The following NR3C2 variants were observed in gnomAD, a reference collection of about 807,000 sequenced individuals.
NR3C2 encodes the protein mineralocorticoid receptor.
NR3C2 carries 15 observed loss-of-function variants against 86.4 expected under a neutral mutation model. The observed-to-expected ratio is 0.17, with a 90% CI of 0.12 to 0.27. NR3C2 has a LOEUF of 0.27. Ranked by LOEUF, NR3C2 falls within the 10% of genes least tolerant of loss-of-function variation. The pLI, the probability that NR3C2 is intolerant of heterozygous loss-of-function variation, is 1.00. For missense variants in NR3C2, 960 were observed against 1,195.6 expected, an observed-to-expected ratio of 0.80 and a Z score of 2.91; for synonymous variants, 458 against 450.5, an observed-to-expected ratio of 1.02 and a Z score of -0.21.
intron 2 of NR3C2, among the ~76,000 whole-genome samples, chr4:148,380,521 G>A (rs1426994932): frequency 6.6e-6 from 1 of 152,194 alleles, no homozygotes; most frequent in Non-Finnish European, 1.5e-5. Context: ...GGAACTGCCA[G>A]ACTATTATCC....
At chr4:148,292,897 TAAAC>T in intron 2 of NR3C2, among the ~76,000 whole-genome samples, 1 of 152,212 alleles carries the variant, frequency 6.6e-6, no homozygotes, top group Admixed American at 6.5e-5. Flanking sequence ...TATACCCTGT[TAAAC>T]AAGCAAACTA....
At chr4:148,260,398 C>CA (rs918505773) in intron 2 of NR3C2, among the ~76,000 whole-genome samples, 9 of 152,218 alleles carry the variant, frequency 5.9e-5, no homozygotes, top group African/African-American at 1.7e-4. Context: ...GAAGGTTTAT[C>CA]AAAAAATCAC....
chr4:148,086,105 A>G (rs982875061), intron 8 of NR3C2, among the ~76,000 whole-genome samples: 6 of 152,144 alleles, frequency 3.9e-5, no homozygotes, highest in African/African-American at 1.4e-4. Context: ...AGAAAAAGAG[A>G]GACTCCTCCC....
chr4:148,135,274 TAGG>T (rs1182707737), intron 6 of NR3C2, among the ~76,000 whole-genome samples: 1 of 152,116 alleles, frequency 6.6e-6, no homozygotes, highest in Non-Finnish European at 1.5e-5. Context: ...TCACCTCCTG[TAGG>T]AGGAGATCAA....
intron 2 of NR3C2, among the ~76,000 whole-genome samples, chr4:148,373,728 G>A (rs997651138): frequency 5.9e-5 from 9 of 151,810 alleles, no homozygotes; most frequent in Admixed American, 2.6e-4. Flanking sequence ...CACCTGCCTC[G>A]GCCTCCCACA....
At chr4:148,262,477 C>T (rs11730274) in intron 2 of NR3C2, among the ~76,000 whole-genome samples, 26,413 of 152,110 alleles carry the variant, frequency 0.17, 3,011 homozygotes, top group East Asian at 0.47. Flanking sequence ...ACCTCAACCT[C>T]AACATGGGCA....
intron 8 of NR3C2, among the ~76,000 whole-genome samples, chr4:148,111,774 G>C (rs1274728719): frequency 1.3e-5 from 2 of 152,188 alleles, no homozygotes; most frequent in African/African-American, 4.8e-5. Context: ...TGTAACACCA[G>C]AAAATGCAAA....
At chr4:148,359,966 G>T (rs1745759511) in intron 2 of NR3C2, among the ~76,000 whole-genome samples, 1 of 152,184 alleles carries the variant, frequency 6.6e-6, no homozygotes, top group Admixed American at 6.5e-5. Flanking sequence ...GTGCATAGTG[G>T]TGGAGGAGCA....
At position 148,080,864 on chromosome 4, in the gene NR3C2, T is replaced by C; in HGVS notation, c.*480A>G. 3.1e-6 allele frequency: 1 copy of C among 324,488 alleles called. No homozygotes were observed. The highest frequency in any genetic ancestry group is 6.3e-6 in the Non-Finnish European group (1 of 157,500). 20.1% of individuals were successfully genotyped at this position (324,488 alleles called of 1,614,324 possible). A position where few individuals can be genotyped will look rare whatever the true frequency, so the allele number is the denominator to read the frequency against. ...TTATTACACAACAGGAATCTGTATATATTTTTTTATTATTTTTTTGTGTTT... is the reference window on the plus strand; with the variant it reads ...TTATTACACAACAGGAATCTGTATACATTTTTTTATTATTTTTTTGTGTTT... On this transcript the variant is annotated 3_prime_UTR_variant, in exon 9 of 9. Coordinates refer to ENST00000358102, the MANE Select transcript of NR3C2 (RefSeq NM_000901.5).
chr4:148,395,649 T>C (rs61756937), intron 2 of NR3C2, among the ~76,000 whole-genome samples: 8 of 152,204 alleles, frequency 5.3e-5, no homozygotes, highest in Non-Finnish European at 1.0e-4. Flanking sequence ...TTGTACATAA[T>C]ATTGAACCAT....
chr4:148,209,220 G>T (rs554655051), intron 3 of NR3C2, among the ~76,000 whole-genome samples: 4 of 150,604 alleles, frequency 2.7e-5, no homozygotes, highest in African/African-American at 9.9e-5. Flanking sequence ...CTCCAGCCTG[G>T]GCAACAGAGT....
chr4:148,369,941 G>A (rs1354789785), intron 2 of NR3C2, among the ~76,000 whole-genome samples: 10 of 152,170 alleles, frequency 6.6e-5, no homozygotes, highest in African/African-American at 2.4e-4. Context: ...CTGAGGGGCT[G>A]GAACCAAGTG....
At chr4:148,416,048 A>T (rs900622616) in intron 2 of NR3C2, among the ~76,000 whole-genome samples, 5 of 152,188 alleles carry the variant, frequency 3.3e-5, no homozygotes, top group Non-Finnish European at 7.3e-5. Flanking sequence ...CATAATATTA[A>T]ATATAAAAAA....
At chr4:148,357,721 T>C (rs1182573468) in intron 2 of NR3C2, among the ~76,000 whole-genome samples, 2 of 152,202 alleles carry the variant, frequency 1.3e-5, no homozygotes, top group South Asian at 2.1e-4. Context: ...TACCATATTA[T>C]ATTGATTTTT....
At chr4:148,414,211 G>A (rs180846942) in intron 2 of NR3C2, among the ~76,000 whole-genome samples, 1 of 152,170 alleles carries the variant, frequency 6.6e-6, no homozygotes, top group Middle Eastern at 3.4e-3. Flanking sequence ...CTAAATATAC[G>A]CATACACCTA....
At chr4:148,203,352 A>G (rs1326821391) in intron 3 of NR3C2, among the ~76,000 whole-genome samples, 1 of 152,176 alleles carries the variant, frequency 6.6e-6, no homozygotes, top group Non-Finnish European at 1.5e-5. Flanking sequence ...TTCAGTATCA[A>G]AAAGGCAATT....
At chr4:148,351,431 C>T (rs11931777) in intron 2 of NR3C2, among the ~76,000 whole-genome samples, 19,402 of 152,264 alleles carry the variant, frequency 0.13, 1,311 homozygotes, top group Middle Eastern at 0.16. Flanking sequence ...GTGTGAGCCA[C>T]CGCATCCAGC....
intron 2 of NR3C2, among the ~76,000 whole-genome samples, chr4:148,397,007 A>G (rs1047688234): frequency 6.6e-6 from 1 of 152,194 alleles, no homozygotes; most frequent in African/African-American, 2.4e-5. Context: ...AACTTGTACA[A>G]ATGTTCTCTG....
In NR3C2 at chr4:148,186,986, G is replaced by GTATA. The variant is rs1735928559; in HGVS notation, c.2014+7759_2014+7760insTATA. Reference sequence around the variant, plus strand: ...GCATAGTATTCCATCATACTGATGTGTGTATGTATGTATATATATATATAT... The same window carrying GTATA: ...GCATAGTATTCCATCATACTGATGTGTATATGTATGTATGTATATATATATATAT... On this transcript the variant is annotated intron_variant, in intron 4 of 8. Transcript: ENST00000358102. Among the ~76,000 whole-genome samples, 5 of 101,318 alleles carry GTATA rather than the reference G, an allele frequency of 4.9e-5. 1 individual carries two copies. The highest frequency in any genetic ancestry group is 9.9e-5 in the Admixed American group (1 of 10,078). 66.5% of individuals were successfully genotyped at this position (101,318 alleles called of 152,430 possible). A position where few individuals can be genotyped will look rare whatever the true frequency, so the allele number is the denominator to read the frequency against.
Sources: allele counts gnomAD v4.1 joint callset (sites outside exome capture counted in the v4.1 genomes callset), GRCh38; gene constraint gnomAD v4.1.1; transcripts MANE v1.5; gene names NCBI Gene and HGNC (gene_info 2026-07-23, HGNC 2026-07-21).